Variants in A1CF observed in about 807,000 individuals in gnomAD.
The protein encoded by A1CF is APOBEC1 complementation factor, also known as APOBEC-1 stimulating protein.
Under a neutral mutation model 68.9 loss-of-function variants are expected in A1CF, and 48 were observed. The ratio of observed to expected loss-of-function variants is 0.70; its 90% confidence interval spans 0.55 to 0.89. A1CF has a LOEUF of 0.89. Ranked by LOEUF, A1CF falls within the 40% of genes least tolerant of loss-of-function variation. A1CF has a pLI of 0.00. For missense variants in A1CF, 653 were observed against 718.9 expected (o/e 0.91, Z 1.05); for synonymous variants, 272 against 260.4 (o/e 1.04, Z -0.43).
At chr10:50,811,005 T>C (rs774252380) in intron 11 of A1CF, 35 bp downstream of exon 11, 11 of 1,597,124 alleles carry the variant, frequency 6.9e-6, no homozygotes, top group Non-Finnish European at 9.4e-6. Flanking sequence ...TGTATCCTGC[T>C]CTAAAATGGT....
chr10:50,853,795 C>CT lies in A1CF; in HGVS notation c.99+6046dup, dbSNP rs771485369. Among the ~76,000 whole-genome samples the CT allele has an allele frequency of 3.0e-3, 406 of 136,530 alleles. 1 individual carries two copies. Among genetic ancestry groups the CT allele is most frequent in the South Asian group, 0.02 (88 of 4,302 alleles). The allele number at this position is 136,530 out of a possible 152,430, so 89.6% of individuals were successfully genotyped here. A position where few individuals can be genotyped will look rare whatever the true frequency, so the allele number is the denominator to read the frequency against. ...AAGGCCAAATAGTTGATATTTTAGG[C>CT]TTTTTTTTAAAAAAAATGCTTAAAA... On this transcript the variant is annotated intron_variant, in intron 3 of 12. Transcript: ENST00000373997.
intron 1 of A1CF, among the ~76,000 whole-genome samples, chr10:50,870,038 A>G (rs1841175468): frequency 6.6e-6 from 1 of 151,910 alleles, no homozygotes; most frequent in South Asian, 2.1e-4. Flanking sequence ...AATACATAAT[A>G]GATTTAACAT....
chr10:50,842,070 C>A, intron 4 of A1CF, 78 bp from the exon 5 acceptor site: 2 of 1,263,788 alleles, frequency 1.6e-6, no homozygotes. Context: ...CTGATACACA[C>A]ACAAACACAC....
chr10:50,808,992 T>C (rs1006726871), intron 12 of A1CF, among the ~76,000 whole-genome samples: 1 of 151,976 alleles, frequency 6.6e-6, no homozygotes, highest in Non-Finnish European at 1.5e-5. Context: ...CAGATTTCTT[T>C]AATAAAAATA....
chr10:50,857,725 G>C (rs1840552538), intron 3 of A1CF, among the ~76,000 whole-genome samples: 1 of 152,168 alleles, frequency 6.6e-6, no homozygotes, highest in Non-Finnish European at 1.5e-5. Context: ...ACAATGGGTT[G>C]GCCTGCAGCT....
At chr10:50,820,751 G>A in intron 7 of A1CF, 102 bp from the exon 8 acceptor site, 2 of 810,470 alleles carry the variant, frequency 2.5e-6, no homozygotes, top group African/African-American at 1.8e-5. Flanking sequence ...TTTTTTTTAT[G>A]GATACCTCAT....
intron 3 of A1CF, among the ~76,000 whole-genome samples, chr10:50,844,822 T>C (rs2132464411): frequency 6.6e-6 from 1 of 152,348 alleles, no homozygotes; most frequent in Non-Finnish European, 1.5e-5. Context: ...TTTCTATGTA[T>C]ATTTTTAAAA....
At chr10:50,826,598 A>G (rs1838951265) in intron 7 of A1CF, among the ~76,000 whole-genome samples, 1 of 152,140 alleles carries the variant, frequency 6.6e-6, no homozygotes, top group African/African-American at 2.4e-5. Flanking sequence ...TTTTGTCACT[A>G]CCAGGCCTGC....
At position 50,806,863 on chromosome 10, in the gene A1CF, C is replaced by T. The variant is rs536037453; in HGVS notation, c.1627G>A (p.Ala543Thr). Reference protein sequence around the residue: ...TAFPGYAVPNATAPVSAAQLK... With the variant: ...TAFPGYAVPNTTAPVSAAQLK... ...TGGGCTGCAGACACGGGTGCAGTTGCATTAGGGACAGCATATCCTGGAGGA... is the reference window on the plus strand; with the variant it reads ...TGGGCTGCAGACACGGGTGCAGTTGTATTAGGGACAGCATATCCTGGAGGA... Residue 543 changes from alanine (A) to threonine (T), a missense_variant, in exon 13 of 13, where the codon GCA becomes ACA. Physicochemically the swap from Ala to Thr is moderately conservative, Grantham distance 58 (BLOSUM62 0). Coordinates refer to ENST00000373997, the MANE Select transcript of A1CF (RefSeq NM_014576.4). 2 of 1,611,160 alleles carry T rather than the reference C, an allele frequency of 1.2e-6. No individual in the cohort carries two copies. Among genetic ancestry groups the T allele is most frequent in the South Asian group, 2.2e-5 (2 of 90,470 alleles).
chr10:50,880,843 A>G (rs898574880), intron 1 of A1CF, among the ~76,000 whole-genome samples: 4 of 152,126 alleles, frequency 2.6e-5, no homozygotes, highest in African/African-American at 9.7e-5. Flanking sequence ...CTGTTCCTTT[A>G]TATCTTTCAC....
At chr10:50,859,751 G>T in intron 3 of A1CF, 91 bp downstream of exon 3, 5 of 1,096,886 alleles carry the variant, frequency 4.6e-6, no homozygotes, top group South Asian at 4.3e-5. Flanking sequence ...CTATGTAACT[G>T]ACCATTCCCA....
intron 7 of A1CF, among the ~76,000 whole-genome samples, chr10:50,823,323 C>T (rs1838763595): frequency 6.6e-6 from 1 of 152,136 alleles, no homozygotes; most frequent in Admixed American, 6.6e-5. Flanking sequence ...AATAATTGAT[C>T]CTCATTTGGC....
intron 3 of A1CF, among the ~76,000 whole-genome samples, chr10:50,857,142 T>A (rs1183401626): frequency 6.6e-6 from 1 of 152,154 alleles, no homozygotes; most frequent in Non-Finnish European, 1.5e-5. Flanking sequence ...TACTATTTCA[T>A]CTGTGACAGG....
In A1CF at chr10:50,799,774, G is replaced by C. The variant is rs1193908290; in HGVS notation, c.*6955C>G. On this transcript the variant is annotated 3_prime_UTR_variant, in exon 13 of 13. Transcript: ENST00000373997. ...GAAGAAAGAGATTGTTAAACATCTG[G>C]AAACTATAAATGCATTTTGCTGACA... 2 of 152,020 alleles carry C rather than the reference G, an allele frequency of 1.3e-5. No individual in the cohort carries two copies. The highest frequency in any genetic ancestry group is 4.8e-5 in the African/African-American group (2 of 41,424). The allele number at this position is 152,020 out of a possible 1,614,324, so 9.4% of individuals were successfully genotyped here.
intron 6 of A1CF, among the ~76,000 whole-genome samples, chr10:50,835,664 C>T (rs1839454000): frequency 6.6e-6 from 1 of 152,074 alleles, no homozygotes; most frequent in Admixed American, 6.6e-5. Context: ...AAGTATGTCA[C>T]CTAGTTGTCA....
At chr10:50,843,360 T>C (rs1839862472) in intron 4 of A1CF, among the ~76,000 whole-genome samples, 1 of 152,178 alleles carries the variant, frequency 6.6e-6, no homozygotes. Context: ...ACACACAAAA[T>C]TGATTTTGGC....
chr10:50,805,989 G>C lies in A1CF; in HGVS notation c.*740C>G, dbSNP rs1169463647. ...TCATGCTGGCATGATTATTGGAAAAGGTAGGAGTTCTAGGGAAAAATAGGT... is the reference window on the plus strand; with the variant it reads ...TCATGCTGGCATGATTATTGGAAAACGTAGGAGTTCTAGGGAAAAATAGGT... On this transcript the variant is annotated 3_prime_UTR_variant, in exon 13 of 13. Transcript: ENST00000373997. 6.6e-6 allele frequency: 1 copy of C among 152,162 alleles called. No individual in the cohort carries two copies. Among genetic ancestry groups the C allele is most frequent in the Non-Finnish European group, 1.5e-5 (1 of 68,048 alleles). The allele number at this position is 152,162 out of a possible 1,614,324, so 9.4% of individuals were successfully genotyped here.
intron 4 of A1CF, 82 bp from the exon 5 acceptor site, chr10:50,842,074 A>G (rs936605991): frequency 2.5e-6 from 3 of 1,222,372 alleles, no homozygotes; most frequent in East Asian, 4.8e-5. Context: ...TACACACACA[A>G]ACACACACAC....
intron 3 of A1CF, among the ~76,000 whole-genome samples, chr10:50,853,900 A>T (rs1363038451): frequency 1.3e-5 from 2 of 151,860 alleles, no homozygotes; most frequent in Non-Finnish European, 2.9e-5. Flanking sequence ...TAGTTTGTTG[A>T]CCCCTGATTA....
Sources: gnomAD v4.1 joint callset for allele counts (sites outside exome capture counted in the v4.1 genomes callset) on GRCh38, gnomAD v4.1.1 for gene constraint, MANE v1.5 for transcripts, NCBI Gene and HGNC (gene_info 2026-07-23, HGNC 2026-07-21) for gene names.